Variants in THSD4 observed in about 807,000 individuals in gnomAD.
THSD4 encodes the protein thrombospondin type 1 domain containing 4, also known as thrombospondin type-1 domain-containing protein 4.
A neutral mutation model predicts 119.0 loss-of-function variants in THSD4; 69 were observed. The ratio of observed to expected loss-of-function variants is 0.58; its 90% CI spans 0.48 to 0.71. The LOEUF is 0.71. Among genes scored for constraint, THSD4 ranks in the 30% least tolerant of loss-of-function variants. The pLI is 0.00. For synonymous variants in THSD4, 524 were observed against 540.4 expected, an observed-to-expected ratio of 0.97 and a Z score of 0.42; for missense variants, 1,393 against 1,391.1, an observed-to-expected ratio of 1.00 and a Z score of -0.02.
intron 6 of THSD4, among the ~76,000 whole-genome samples, chr15:71,277,915 C>T (rs900200872): frequency 6.6e-6 from 1 of 152,186 alleles, no homozygotes; most frequent in Non-Finnish European, 1.5e-5. Context: ...ATCATCACTA[C>T]CCACTGTGTA....
chr15:71,175,899 T>C (rs1273986281), intron 3 of THSD4, among the ~76,000 whole-genome samples: 1 of 60,532 alleles, frequency 1.7e-5, no homozygotes, highest in Non-Finnish European at 3.3e-5. Flanking sequence ...GCTTCATAAG[T>C]GAAGGAGAAA....
chr15:71,163,072 A>G (rs1314065246), intron 3 of THSD4, among the ~76,000 whole-genome samples: 1 of 151,886 alleles, frequency 6.6e-6, no homozygotes, highest in Non-Finnish European at 1.5e-5. Context: ...GTTCTTTTAT[A>G]TCTTACTGAA....
intron 6 of THSD4, among the ~76,000 whole-genome samples, chr15:71,322,307 G>A (rs936056720): frequency 6.6e-6 from 1 of 152,034 alleles, no homozygotes; most frequent in Non-Finnish European, 1.5e-5. Context: ...ACCCTTGCTG[G>A]AGGATATTTG....
chr15:71,174,210 T>C (rs2043416627), intron 3 of THSD4, among the ~76,000 whole-genome samples: 1 of 151,824 alleles, frequency 6.6e-6, no homozygotes, highest in Admixed American at 6.6e-5. Context: ...AGAAGACGGG[T>C]GATTTCTGCA....
chr15:71,737,601 A>T, intron 10 of THSD4, 131 bp from the exon 11 acceptor site: 1 of 1,279,712 alleles, frequency 7.8e-7, no homozygotes, highest in Non-Finnish European at 1.0e-6. Flanking sequence ...TATTTTAAAC[A>T]GATGTGCTTA....
intron 7 of THSD4, among the ~76,000 whole-genome samples, chr15:71,561,124 G>A (rs1313165791): frequency 5.9e-5 from 9 of 151,944 alleles, no homozygotes; most frequent in Non-Finnish European, 1.2e-4. Flanking sequence ...ACAGGCGCCT[G>A]CCACCACACC....
At chr15:71,102,004 T>C (rs1430779706) in intron 1 of THSD4, among the ~76,000 whole-genome samples, 1 of 152,130 alleles carries the variant, frequency 6.6e-6, no homozygotes, top group Non-Finnish European at 1.5e-5. Flanking sequence ...TGAGCCACTG[T>C]GGAGGGCCGA....
Position 71,563,151 on chromosome 15 carries a change from C to T in THSD4, c.1153-97379C>T, listed in dbSNP as rs191310385. Among the ~76,000 whole-genome samples, 108 of 152,226 alleles carry T rather than the reference C, an allele frequency of 7.1e-4. 1 individual carries two copies. Among genetic ancestry groups the T allele is most frequent in the Non-Finnish European group, 1.3e-3 (91 of 68,022 alleles). On this transcript the variant is annotated intron_variant, in intron 7 of 17. Coordinates refer to ENST00000261862, the MANE Select transcript of THSD4 (RefSeq NM_024817.3). Reference sequence around the variant, plus strand: ...TCCCACATCGTCCTATGGTGCACAGCGTTGGACACATGATGCGTGAGTACA... The same window carrying T: ...TCCCACATCGTCCTATGGTGCACAGTGTTGGACACATGATGCGTGAGTACA...
chr15:71,518,996 A>T (rs1303549948), intron 7 of THSD4, among the ~76,000 whole-genome samples: 1 of 152,230 alleles, frequency 6.6e-6, no homozygotes, highest in Non-Finnish European at 1.5e-5. Context: ...ATCTGGCATG[A>T]TAATTTCAGA....
chr15:71,651,328 T>C (rs891496262), intron 7 of THSD4, among the ~76,000 whole-genome samples: 2 of 152,232 alleles, frequency 1.3e-5, no homozygotes, highest in Non-Finnish European at 2.9e-5. Context: ...AATGCAGTTG[T>C]CTGTGTGTGT....
rs987633140 is a variant in THSD4, at chr15:71,764,880, A to T, written c.2590-140A>T. The T allele has an allele frequency of 5.4e-6, 6 of 1,103,950 alleles. No homozygotes were observed. The Admixed American group carries it at 1.7e-4, about 31-fold the overall frequency. 68.4% of individuals were successfully genotyped at this position (1,103,950 alleles called of 1,614,324 possible). On this transcript the variant is annotated intron_variant, in intron 15 of 17. Transcript: ENST00000261862. ...CATATGCCATTTCTCCTCCAGAAAC[A>T]TTTCCAAGTTCTCCTGGGTTCTTCC...
intron 3 of THSD4, among the ~76,000 whole-genome samples, chr15:71,212,303 A>T (rs2043893838): frequency 6.6e-6 from 1 of 152,212 alleles, no homozygotes; most frequent in Non-Finnish European, 1.5e-5. Context: ...CAAGTCACTC[A>T]CCATAATTCG....
intron 7 of THSD4, among the ~76,000 whole-genome samples, chr15:71,553,147 G>A (rs1046752022): frequency 1.3e-5 from 2 of 152,154 alleles, no homozygotes; most frequent in Admixed American, 1.3e-4. Context: ...GTGAGTGTCT[G>A]TGGGTTTATG....
intron 7 of THSD4, among the ~76,000 whole-genome samples, chr15:71,599,366 C>T (rs912177575): frequency 3.0e-4 from 46 of 152,102 alleles, no homozygotes; most frequent in Non-Finnish European, 1.5e-5. Context: ...ATACACAGAG[C>T]CCACTTCCTG....
intron 8 of THSD4, among the ~76,000 whole-genome samples, chr15:71,695,645 G>A (rs753232167): frequency 7.2e-5 from 11 of 151,970 alleles, no homozygotes; most frequent in Admixed American, 2.0e-4. Flanking sequence ...ACAGAGACAG[G>A]TAAGAAGGTA....
chr15:71,343,273 A>G (rs74434227), intron 6 of THSD4, among the ~76,000 whole-genome samples: 4,045 of 152,266 alleles, frequency 0.027, 187 homozygotes, highest in African/African-American at 0.093. Flanking sequence ...AGATAGATGG[A>G]TATGTTAGAT....
intron 6 of THSD4, among the ~76,000 whole-genome samples, chr15:71,365,214 C>T (rs981892062): frequency 1.4e-5 from 2 of 146,360 alleles, no homozygotes; most frequent in African/African-American, 5.0e-5. Context: ...AGCCAATGAC[C>T]CATGTGATTG....
chr15:71,704,542 A>G (rs1386191972), intron 8 of THSD4, among the ~76,000 whole-genome samples: 11 of 152,180 alleles, frequency 7.2e-5, no homozygotes, highest in Admixed American at 7.2e-4. Context: ...GCCATGTGGA[A>G]CTGTGAGTCA....
At chr15:71,298,892 C>T (rs1225557302) in intron 6 of THSD4, among the ~76,000 whole-genome samples, 4 of 152,228 alleles carry the variant, frequency 2.6e-5, no homozygotes, top group African/African-American at 9.6e-5. Flanking sequence ...GGATTACAGG[C>T]GTGAGCCGTG....
Sources: gnomAD v4.1 joint callset for allele counts (sites outside exome capture counted in the v4.1 genomes callset) on GRCh38, gnomAD v4.1.1 for gene constraint, MANE v1.5 for transcripts, NCBI Gene and HGNC (gene_info 2026-07-23, HGNC 2026-07-21) for gene names.